Variants in SLC18A2 observed in about 807,000 individuals in gnomAD.
The protein encoded by SLC18A2 is synaptic vesicular amine transporter.
In SLC18A2, 33 loss-of-function variants were observed where a neutral mutation model predicts 59.2. The observed-to-expected ratio is 0.56, with a 90% confidence interval of 0.42 to 0.75. SLC18A2 has a LOEUF of 0.75. Among genes scored for constraint, SLC18A2 ranks in the 30% least tolerant of loss-of-function variants. SLC18A2 has a pLI of 0.00. For synonymous variants in SLC18A2, 228 were observed against 253.5 expected (o/e 0.90, Z 0.95); for missense variants, 569 against 668.6 (o/e 0.85, Z 1.64).
chr10:117,267,607 A>T, intron 12 of SLC18A2, 66 bp from the exon 13 acceptor site: 3 of 1,251,340 alleles, frequency 2.4e-6, no homozygotes, highest in South Asian at 1.4e-5. Flanking sequence ...CAAGTTCAAG[A>T]CTTTCCGAGA....
At chr10:117,267,535 C>T (rs1040612243) in intron 12 of SLC18A2, 138 bp from the exon 13 acceptor site, 2 of 578,678 alleles carry the variant, frequency 3.5e-6, no homozygotes, top group African/African-American at 3.7e-5. Flanking sequence ...CTTCACAAAC[C>T]CCACCCTTCT....
chr10:117,264,060 G>A (rs1033903828), intron 10 of SLC18A2, among the ~76,000 whole-genome samples: 9 of 152,178 alleles, frequency 5.9e-5, no homozygotes, highest in South Asian at 2.1e-4. Context: ...CTTTGCTTCC[G>A]GGGCTGGATG....
chr10:117,277,342 T>G lies in SLC18A2; in HGVS notation c.*76T>G, dbSNP rs188557163. ...TCCAGTGACACAACTCATCCAGAACTGTCTTAGTCATACCATCCATCCCTG... is the reference window on the plus strand; with the variant it reads ...TCCAGTGACACAACTCATCCAGAACGGTCTTAGTCATACCATCCATCCCTG... On this transcript the variant is annotated 3_prime_UTR_variant, in exon 16 of 16. Transcript: ENST00000644641. 7.9e-5 allele frequency: 67 copies of G among 851,914 alleles called. No homozygotes were observed. The East Asian group carries it at 1.7e-3, about 22-fold the overall frequency. 52.8% of individuals were successfully genotyped at this position (851,914 alleles called of 1,614,324 possible). A position where few individuals can be genotyped will look rare whatever the true frequency, so the allele number is the denominator to read the frequency against.
At position 117,255,623 on chromosome 10, in the gene SLC18A2, G is replaced by T. The variant is rs769759074; in HGVS notation, c.861G>T (p.Thr287=). ...PESQKGTPLT[T]LLKDPYILIA... ...GTCAGAAGGGGACACCCCTAACCAC[G>T]CTGCTGAAGGACCCGTACATCCTCA... The change falls in exon 9 of 16, where the codon ACG becomes ACT. Residue 287 remains threonine, a synonymous_variant. Transcript: ENST00000644641. The T allele has an allele frequency of 6.2e-7, 1 of 1,613,958 alleles. No homozygotes were observed. Among genetic ancestry groups the T allele is most frequent in the South Asian group, 1.1e-5 (1 of 91,078 alleles).
chr10:117,244,443 C>A, intron 3 of SLC18A2, 130 bp downstream of exon 3: 1 of 776,880 alleles, frequency 1.3e-6, no homozygotes, highest in Non-Finnish European at 2.1e-6. Flanking sequence ...TGGGGAAAAC[C>A]CAGTCCCCTT....
chr10:117,244,307 C>T lies in SLC18A2; in HGVS notation c.458C>T (p.Thr153Ile), dbSNP rs747244955. The stretch of plus-strand genomic sequence containing the variant: ...ACCAACCCTTTCATAGGACTACTGA[C>T]CAACAGGTAGGGCAGACTACTTTAG... ...LITNPFIGLL[T>I]NRIGYPIPIF... The change falls in exon 3 of 16, where the codon ACC becomes ATC. Residue 153 changes from threonine to isoleucine, a missense_variant. Physicochemically the swap from Thr to Ile is moderately conservative, Grantham distance 89. Coordinates refer to ENST00000644641, the MANE Select transcript of SLC18A2 (RefSeq NM_003054.6). The T allele has an allele frequency of 1.2e-6, 2 of 1,613,214 alleles. No individual in the cohort carries two copies. Among genetic ancestry groups the T allele is most frequent in the South Asian group, 2.2e-5 (2 of 91,006 alleles).
intron 9 of SLC18A2, 73 bp from the exon 10 acceptor site, chr10:117,257,724 G>T (rs571963801): frequency 1.0e-5 from 9 of 884,484 alleles, no homozygotes; most frequent in Middle Eastern, 2.3e-4. Context: ...AGCTGTAGGC[G>T]CATGGAGTCT....
intron 15 of SLC18A2, 134 bp downstream of exon 15, chr10:117,270,597 G>C (rs58452790): frequency 3.2e-6 from 3 of 933,858 alleles, no homozygotes; most frequent in East Asian, 2.7e-5. Flanking sequence ...GTACCACATA[G>C]AGCAGTTACT....
At chr10:117,247,985 A>G (rs1844126163) in intron 3 of SLC18A2, among the ~76,000 whole-genome samples, 1 of 151,980 alleles carries the variant, frequency 6.6e-6, no homozygotes. Flanking sequence ...TTATTTATTT[A>G]TTTAGACAGG....
At chr10:117,256,152 G>A (rs975959068) in intron 9 of SLC18A2, among the ~76,000 whole-genome samples, 9 of 152,238 alleles carry the variant, frequency 5.9e-5, no homozygotes, top group Non-Finnish European at 1.0e-4. Flanking sequence ...CCGAGCAGCA[G>A]GGAGGCCGTT....
chr10:117,257,767 G>C (rs1324742709), intron 9 of SLC18A2, 30 bp from the exon 10 acceptor site: 1 of 1,477,770 alleles, frequency 6.8e-7, no homozygotes, highest in African/African-American at 1.4e-5. Context: ...GGAGGCAGAA[G>C]CCACTACAAA....
intron 3 of SLC18A2, among the ~76,000 whole-genome samples, chr10:117,250,173 C>G (rs1460556314): frequency 6.6e-6 from 1 of 152,184 alleles, no homozygotes; most frequent in Non-Finnish European, 1.5e-5. Flanking sequence ...CCCAGGGAGT[C>G]TTCTTTGCCT....
intron 15 of SLC18A2, among the ~76,000 whole-genome samples, chr10:117,272,166 G>C (rs1210866549): frequency 2.0e-5 from 3 of 152,170 alleles, no homozygotes; most frequent in African/African-American, 4.8e-5. Context: ...CCAACAGAGT[G>C]ACTGGCCCTG....
chr10:117,277,203 G>A lies in SLC18A2; in HGVS notation c.1482G>A (p.Met494Ile), dbSNP rs1173998843. ...MDHNCPIKTK[M>I]YTQNNIQSYP... ...ACAACTGCCCTATTAAAACAAAAAT[G>A]TACACTCAGAATAATATCCAGTCAT... The change falls in exon 16 of 16, where the codon ATG becomes ATA. Residue 494 changes from methionine to isoleucine, a missense_variant. By Grantham distance (10) the Met-to-Ile change is conservative. Coordinates refer to ENST00000644641, the MANE Select transcript of SLC18A2 (RefSeq NM_003054.6). The A allele has an allele frequency of 6.2e-7, 1 of 1,611,922 alleles. No homozygotes were observed. Among genetic ancestry groups the A allele is most frequent in the Admixed American group, 1.7e-5 (1 of 59,928 alleles).
intron 10 of SLC18A2, among the ~76,000 whole-genome samples, chr10:117,262,804 G>A (rs1374709853): frequency 1.3e-5 from 2 of 152,066 alleles, no homozygotes; most frequent in African/African-American, 4.8e-5. Flanking sequence ...CAAAGTATTG[G>A]GATTACAGGC....
Position 117,245,335 on chromosome 10 carries a change from A to G in SLC18A2, c.464+1022A>G, listed in dbSNP as rs187745994. ...ACTAGAGATGGAAGAGATGGTGGCG[A>G]GGAGAGGGTGGAACTAAGGAGGCAG... On this transcript the variant is annotated intron_variant, in intron 3 of 15. Transcript: ENST00000644641. Among the ~76,000 whole-genome samples the G allele has an allele frequency of 1.4e-3, 214 of 152,224 alleles. 1 individual carries two copies. Among genetic ancestry groups the G allele is most frequent in the African/African-American group, 4.9e-3 (202 of 41,548 alleles).
chr10:117,253,306 C>A, intron 3 of SLC18A2, 93 bp from the exon 4 acceptor site: 1 of 888,826 alleles, frequency 1.1e-6, no homozygotes, highest in Non-Finnish European at 1.9e-6. Context: ...ACTTATCTGT[C>A]TGATCCCAAA....
chr10:117,241,655 C>G (rs1360473470), intron 1 of SLC18A2, 24 bp from the exon 2 acceptor site: 3 of 1,540,058 alleles, frequency 1.9e-6, no homozygotes, highest in Non-Finnish European at 2.6e-6. Flanking sequence ...CGCCTTGGGT[C>G]CTCACCGCGC....
intron 3 of SLC18A2, 86 bp downstream of exon 3, chr10:117,244,399 T>C: frequency 2.4e-6 from 3 of 1,253,464 alleles, no homozygotes; most frequent in South Asian, 1.5e-5. Context: ...TCTTACTCAT[T>C]GGTGAGAGTC....
Sources: gnomAD v4.1 joint callset for allele counts (sites outside exome capture counted in the v4.1 genomes callset) on GRCh38, gnomAD v4.1.1 for gene constraint, MANE v1.5 for transcripts, NCBI Gene and HGNC (gene_info 2026-07-23, HGNC 2026-07-21) for gene names.